Variants in MTOR observed in about 807,000 individuals in gnomAD.
MTOR encodes mechanistic target of rapamycin kinase, also known as serine/threonine-protein kinase mTOR.
MTOR carries 70 observed loss-of-function variants against 319.8 expected under a neutral mutation model. The observed-to-expected ratio is 0.22, with a 90% CI of 0.18 to 0.27. The LOEUF (loss-of-function observed/expected upper bound fraction) is 0.27. Ranked by LOEUF, MTOR falls within the 10% of genes least tolerant of loss-of-function variation. The probability of loss-of-function intolerance (pLI) is 1.00; values close to 1 mark genes in which losing one functional copy is unlikely to be tolerated. For synonymous variants in MTOR, 1,183 were observed against 1,211.4 expected (o/e 0.98, Z 0.49); for missense variants, 1,890 against 3,274.4 (o/e 0.58, Z 10.32).
Position 11,212,226 on chromosome 1 carries a change from TCAGA to T in MTOR, c.3561+82_3561+85del. ...CCACGTTCTCTGATGGTGGCTGGCA[TCAGA>T]CAAAGTCTGAGTGGCTCACAGACAA... On this transcript the variant is annotated intron_variant, in intron 23 of 57. Transcript: ENST00000361445. The surrounding 1 kb of genome is among the most constrained non-coding windows in gnomAD (Gnocchi z 4.1). The T allele has an allele frequency of 6.8e-7, 1 of 1,472,594 alleles. No individual in the cohort carries two copies. The highest frequency in any genetic ancestry group is 1.4e-5 in the South Asian group (1 of 73,668). 91.2% of individuals were successfully genotyped at this position (1,472,594 alleles called of 1,614,324 possible). A position where few individuals can be genotyped will look rare whatever the true frequency, so the allele number is the denominator to read the frequency against.
intron 34 of MTOR, among the ~76,000 whole-genome samples, chr1:11,141,620 C>T (rs756502255): frequency 1.5e-4 from 22 of 151,402 alleles, no homozygotes; most frequent in Admixed American, 3.9e-4. Context: ...CCACCCACCT[C>T]GGCCTCCTAA....
intron 12 of MTOR, 116 bp downstream of exon 12, chr1:11,238,286 G>C: frequency 8.7e-7 from 1 of 1,148,408 alleles, no homozygotes; most frequent in Non-Finnish European, 1.3e-6. Flanking sequence ...AGAAATAGCT[G>C]AATATCAGCT....
chr1:11,122,654 C>T (rs188489846), intron 47 of MTOR, among the ~76,000 whole-genome samples: 173 of 152,030 alleles, frequency 1.1e-3, no homozygotes, highest in African/African-American at 4.1e-3. Context: ...ATTACAGATG[C>T]ACAACACCAC....
chr1:11,174,218 G>A (rs1032103245), intron 28 of MTOR, among the ~76,000 whole-genome samples: 1 of 152,128 alleles, frequency 6.6e-6, no homozygotes, highest in African/African-American at 2.4e-5. Flanking sequence ...AGGGACAGGC[G>A]GTGTCTTAGC....
chr1:11,246,686 G>A (rs183992876), intron 8 of MTOR, among the ~76,000 whole-genome samples: 1 of 152,250 alleles, frequency 6.6e-6, no homozygotes, highest in East Asian at 1.9e-4. Flanking sequence ...TATGTTCCTG[G>A]CTCTCAATGG....
At position 11,237,959 on chromosome 1, in the gene MTOR, C is replaced by A. The variant is rs751783308; in HGVS notation, c.2092G>T (p.Val698Leu). The A allele has an allele frequency of 6.2e-7, 1 of 1,614,198 alleles. No individual in the cohort carries two copies. The highest frequency in any genetic ancestry group is 8.5e-7 in the Non-Finnish European group (1 of 1,180,034). Reference protein sequence around the residue: ...AQAENLQALFVALNDQVFEIR... With the variant: ...AQAENLQALFLALNDQVFEIR... ...TCAAACACCTGGTCATTCAGAGCCA[C>A]AAACAAGGCCTGCAAGTTCTCCGCC... The change falls in exon 13 of 58, where the codon GTG (valine) becomes TTG (leucine). Residue 698 changes from valine to leucine, a missense_variant. Val to Leu is a conservative substitution (Grantham distance 32). Around this residue, in one of 15 missense-constraint regions of MTOR, gnomAD observed 377 missense variants for 653.9 expected, o/e 0.58. Coordinates refer to ENST00000361445, the MANE Select transcript of MTOR (RefSeq NM_004958.4).
Position 11,230,936 on chromosome 1 carries a change from C to CT in MTOR, c.2767dup (p.Ser923LysfsTer6). On this transcript the variant is annotated frameshift_variant, in exon 18 of 58. Coordinates refer to ENST00000361445, the MANE Select transcript of MTOR (RefSeq NM_004958.4). LOFTEE classifies it high-confidence loss of function. ...TACCCCCAACTTACAGGAATCCTGACTTGACTTGGATTCTGACAGGCTGAC... is the reference window on the plus strand; with the variant it reads ...TACCCCCAACTTACAGGAATCCTGACTTTGACTTGGATTCTGACAGGCTGAC... 3.1e-6 allele frequency: 5 copies of CT among 1,613,966 alleles called. No homozygotes were observed. The highest frequency in any genetic ancestry group is 4.2e-6 in the Non-Finnish European group (5 of 1,180,016).
In MTOR at chr1:11,121,156, C is replaced by A; in HGVS notation, c.6933+90G>T. The A allele has an allele frequency of 6.5e-7, 1 of 1,533,976 alleles. No individual in the cohort carries two copies. Among genetic ancestry groups the A allele is most frequent in the Non-Finnish European group, 8.8e-7 (1 of 1,138,898 alleles). On this transcript the variant is annotated intron_variant, in intron 49 of 57. Transcript: ENST00000361445. The surrounding 1 kb of genome is among the most constrained non-coding windows in gnomAD (Gnocchi z 4.9). Reference sequence around the variant, plus strand: ...TACAGCCAATCACAGCAAAGAAGAGCCGCTGTGTGCACATGAACAGATGGG... The same window carrying A: ...TACAGCCAATCACAGCAAAGAAGAGACGCTGTGTGCACATGAACAGATGGG...
chr1:11,256,802 A>G (rs1650460093), intron 4 of MTOR, 131 bp downstream of exon 4: 2 of 830,078 alleles, frequency 2.4e-6, no homozygotes, highest in South Asian at 1.7e-5. Context: ...ACTCTACCCC[A>G]TCTCACAGCC....
intron 38 of MTOR, chr1:11,131,359 C>A (rs1359570555): frequency 1.3e-5 from 2 of 156,440 alleles, no homozygotes; most frequent in East Asian, 3.8e-4. Context: ...ACGCCTGGAG[C>A]AGGCACAGGG....
At chr1:11,159,886 C>T (rs749674789) in intron 29 of MTOR, among the ~76,000 whole-genome samples, 4 of 151,954 alleles carry the variant, frequency 2.6e-5, no homozygotes, top group South Asian at 2.1e-4. Flanking sequence ...CTTGACCTTC[C>T]GGGAATTCAA....
Position 11,230,977 on chromosome 1 carries a change from G to C in MTOR, c.2727C>G (p.Ser909=). The C allele has an allele frequency of 6.2e-7, 1 of 1,614,112 alleles. No homozygotes were observed. The highest frequency in any genetic ancestry group is 1.1e-5 in the South Asian group (1 of 91,086). ...HKVNIGMIDQ[S]RDASAVSLSE... The stretch of plus-strand genomic sequence containing the variant: ...ACAGGCTGACAGCAGAGGCATCCCG[G>C]GACTGGTCTATCATGCCAATGTTCA... Residue 909 remains serine (S), a synonymous_variant, in exon 18 of 58, where the codon TCC becomes TCG. Transcript: ENST00000361445.
intron 50 of MTOR, among the ~76,000 whole-genome samples, chr1:11,116,301 C>A (rs1292647790): frequency 1.3e-5 from 2 of 152,104 alleles, no homozygotes; most frequent in African/African-American, 4.8e-5. Flanking sequence ...TCAATAAAAT[C>A]AATATGATTT....
intron 54 of MTOR, chr1:11,110,987 G>A: frequency 2.7e-6 from 1 of 376,872 alleles, no homozygotes; most frequent in Non-Finnish European, 5.3e-6. Flanking sequence ...AAGCCAGTAA[G>A]TCTCAGCACA....
intron 19 of MTOR, among the ~76,000 whole-genome samples, chr1:11,224,798 A>C (rs757429279): frequency 2.9e-4 from 44 of 152,228 alleles, no homozygotes; most frequent in South Asian, 8.3e-4. Flanking sequence ...TAAATAACTC[A>C]AGGGTAAAAG....
At chr1:11,227,269 G>A (rs1646871008) in intron 19 of MTOR, among the ~76,000 whole-genome samples, 3 of 129,282 alleles carry the variant, frequency 2.3e-5, no homozygotes, top group Non-Finnish European at 4.6e-5. Context: ...CTGCACTCCA[G>A]CCTGGGCAAC....
In MTOR at chr1:11,134,455, G is replaced by A; in HGVS notation, c.5142C>T (p.Phe1714=). 6.2e-7 allele frequency: 1 copy of A among 1,614,186 alleles called. No homozygotes were observed. Among genetic ancestry groups the A allele is most frequent in the South Asian group, 1.1e-5 (1 of 91,086 alleles). Residue 1714 remains phenylalanine (F), a synonymous_variant, in exon 37 of 58, where the codon TTC becomes TTT. Transcript: ENST00000361445. ...MWKSARKIDA[F]QHMQHFVQTM... is the part of the protein sequence containing the mutation. ...TCTGGACAAAATGCTGCATGTGCTG[G>A]AAGGCATCGATCTGTAACAGGACAA...
At position 11,231,090 on chromosome 1, in the gene MTOR, C is replaced by A. The variant is rs769234471; in HGVS notation, c.2650-36G>T. ...AAGGGGAGGGAAAAAAGAAAACATT[C>A]ATCACAACATGATTACAACAAGTAT... On this transcript the variant is annotated intron_variant, in intron 17 of 57. Transcript: ENST00000361445. 8 of 1,613,812 alleles carry A rather than the reference C, an allele frequency of 5.0e-6. No individual in the cohort carries two copies. The East Asian group carries it at 1.8e-4, about 36-fold the overall frequency.
intron 28 of MTOR, among the ~76,000 whole-genome samples, chr1:11,179,665 G>A (rs1234115875): frequency 6.6e-6 from 1 of 152,206 alleles, no homozygotes; most frequent in Non-Finnish European, 1.5e-5. Context: ...TGACCCTGGG[G>A]GAAGTCTTGA....
Sources: allele counts gnomAD v4.1 joint callset (sites outside exome capture counted in the v4.1 genomes callset), GRCh38; gene constraint gnomAD v4.1.1; regional missense constraint gnomAD v4.1.1; non-coding constraint Gnocchi (gnomAD v3.1); transcripts MANE v1.5; gene names NCBI Gene and HGNC (gene_info 2026-07-23, HGNC 2026-07-21).